Variants in ADD1 observed in about 807,000 individuals in gnomAD.
ADD1 encodes alpha-adducin.
A neutral mutation model predicts 80.5 loss-of-function variants in ADD1; 24 were observed. That is an observed-to-expected ratio of 0.30 (90% confidence interval 0.22 to 0.42). The LOEUF (loss-of-function observed/expected upper bound fraction) is 0.42. ADD1 is among the 10% of genes least tolerant of loss of function. The pLI is 1.00. For synonymous variants in ADD1, 373 were observed against 393.8 expected (o/e 0.95, Z 0.63); for missense variants, 948 against 1,019.0 (o/e 0.93, Z 0.95).
At position 2,928,783 on chromosome 4, in the gene ADD1, G is replaced by C; in HGVS notation, c.*260G>C. ...TCTCCCCACAGGGGGGAGGCACTAAGTCATGGTCCTGGCTGGAAGGTACTG... is the reference window on the plus strand; with the variant it reads ...TCTCCCCACAGGGGGGAGGCACTAACTCATGGTCCTGGCTGGAAGGTACTG... On this transcript the variant is annotated 3_prime_UTR_variant, in exon 16 of 16. Coordinates refer to ENST00000683351, the MANE Select transcript of ADD1 (RefSeq NM_001354761.2). 1 of 477,082 alleles carries C rather than the reference G, an allele frequency of 2.1e-6. No individual in the cohort carries two copies. The highest frequency in any genetic ancestry group is 4.0e-5 in the East Asian group (1 of 24,900). 29.6% of individuals were successfully genotyped at this position (477,082 alleles called of 1,614,324 possible).
intron 6 of ADD1, among the ~76,000 whole-genome samples, chr4:2,897,262 A>G (rs1255815359): frequency 2.0e-5 from 3 of 152,070 alleles, no homozygotes; most frequent in Admixed American, 6.5e-5. Context: ...TCTTTAGAAG[A>G]CCTTCAAAAA....
rs1401568930 is a variant in ADD1 at position 2,929,126 on chromosome 4, G to C, written c.*603G>C. On this transcript the variant is annotated 3_prime_UTR_variant, in exon 16 of 16. Transcript: ENST00000683351. ...CTGTGTGCACCCAACGTGATGCTAT[G>C]CATGTCTGACCGACGATCCCTCGAC... 1 of 152,324 alleles carries C rather than the reference G, an allele frequency of 6.6e-6. No individual in the cohort carries two copies. Among genetic ancestry groups the C allele is most frequent in the Non-Finnish European group, 1.5e-5 (1 of 68,140 alleles). 9.4% of individuals were successfully genotyped at this position (152,324 alleles called of 1,614,324 possible).
intron 6 of ADD1, among the ~76,000 whole-genome samples, chr4:2,896,288 A>G (rs1238118932): frequency 6.6e-6 from 1 of 151,226 alleles, no homozygotes; most frequent in Non-Finnish European, 1.5e-5. Flanking sequence ...AACTCACTGC[A>G]ACCTCTGCCC....
At chr4:2,852,265 C>T (rs1399382817) in intron 1 of ADD1, among the ~76,000 whole-genome samples, 2 of 122,934 alleles carry the variant, frequency 1.6e-5, no homozygotes, top group Non-Finnish European at 3.4e-5. Flanking sequence ...TTCTTTCCTT[C>T]CTTCCTTCCT....
chr4:2,912,925 A>G (rs998953333), intron 13 of ADD1, among the ~76,000 whole-genome samples: 6 of 151,696 alleles, frequency 4.0e-5, no homozygotes, highest in Non-Finnish European at 8.8e-5. Flanking sequence ...GCTCACCTCA[A>G]CCTCCGCCTC....
At chr4:2,925,485 T>C (rs1222501641) in intron 14 of ADD1, among the ~76,000 whole-genome samples, 1 of 152,232 alleles carries the variant, frequency 6.6e-6, no homozygotes, top group Non-Finnish European at 1.5e-5. Flanking sequence ...AGTTCCTGCA[T>C]TTTTTCCTCT....
intron 4 of ADD1, among the ~76,000 whole-genome samples, 161 bp downstream of exon 4, chr4:2,884,827 GC>G (rs1447891683): frequency 2.6e-5 from 4 of 152,296 alleles, no homozygotes; most frequent in Middle Eastern, 6.8e-3. Context: ...CTGAGAATCA[GC>G]CAGTTTGGGT....
chr4:2,917,989 T>C (rs1407926016), intron 14 of ADD1, among the ~76,000 whole-genome samples: 1 of 152,216 alleles, frequency 6.6e-6, no homozygotes, highest in East Asian at 1.9e-4. Flanking sequence ...TTGCTTAGGA[T>C]TGTCTTGGCC....
At chr4:2,896,949 G>A (rs539490758) in intron 6 of ADD1, among the ~76,000 whole-genome samples, 3 of 152,006 alleles carry the variant, frequency 2.0e-5, no homozygotes, top group South Asian at 2.1e-4. Flanking sequence ...TGGTAGAGAC[G>A]GGGTTTCACC....
At chr4:2,927,441 A>G (rs1053601545) in intron 15 of ADD1, among the ~76,000 whole-genome samples, 1 of 152,158 alleles carries the variant, frequency 6.6e-6, no homozygotes, top group Non-Finnish European at 1.5e-5. Flanking sequence ...TTTAAACACT[A>G]AACAGCTTGT....
chr4:2,909,484 T>TCCCCC (rs927929239), intron 13 of ADD1, 53 bp downstream of exon 13: 13 of 1,023,650 alleles, frequency 1.3e-5, no homozygotes, highest in African/African-American at 2.4e-5. Context: ...TCCCCTCCCC[T>TCCCCC]CCCCCCTCCC....
chr4:2,888,933 GGAGA>G (rs146399740), intron 4 of ADD1, among the ~76,000 whole-genome samples: 10 of 151,258 alleles, frequency 6.6e-5, no homozygotes, highest in South Asian at 2.1e-4. Flanking sequence ...ATATATATAT[GGAGA>G]GAGAGAGAGA....
intron 14 of ADD1, among the ~76,000 whole-genome samples, chr4:2,921,900 T>C (rs1236670236): frequency 4.6e-5 from 7 of 151,932 alleles, no homozygotes; most frequent in Non-Finnish European, 5.9e-5. Flanking sequence ...ATCTCTGATA[T>C]ATCCTTTCTT....
At chr4:2,882,938 G>A (rs181554744) in intron 3 of ADD1, among the ~76,000 whole-genome samples, 1 of 152,160 alleles carries the variant, frequency 6.6e-6, no homozygotes, top group African/African-American at 2.4e-5. Context: ...TCAGCTCCCT[G>A]CAAACTACCA....
intron 14 of ADD1, among the ~76,000 whole-genome samples, chr4:2,917,198 T>C (rs1739229027): frequency 2.0e-5 from 3 of 152,232 alleles, no homozygotes; most frequent in Admixed American, 1.3e-4. Flanking sequence ...CAGCTTCTGT[T>C]GTTTCCTCGC....
At chr4:2,915,975 A>G (rs1026006243) in intron 14 of ADD1, among the ~76,000 whole-genome samples, 19 of 152,164 alleles carry the variant, frequency 1.2e-4, no homozygotes, top group Middle Eastern at 6.8e-3. Context: ...GACCCCGAAG[A>G]TGTCCTGCCG....
chr4:2,905,216 A>G, intron 10 of ADD1, 108 bp downstream of exon 10: 3 of 1,005,090 alleles, frequency 3.0e-6, no homozygotes, highest in South Asian at 3.0e-5. Context: ...TGTAAAGCGA[A>G]CCTTCCTTAT....
chr4:2,902,313 CTT>C (rs934451571), intron 9 of ADD1: 7 of 152,134 alleles, frequency 4.6e-5, no homozygotes, highest in Non-Finnish European at 8.8e-5. Flanking sequence ...GAGTCATTCT[CTT>C]TTATTATTCC....
Position 2,898,238 on chromosome 4 carries a change from G to A in ADD1, c.796G>A (p.Gly266Arg). 1 of 1,614,174 alleles carries A rather than the reference G, an allele frequency of 6.2e-7. No individual in the cohort carries two copies. The highest frequency in any genetic ancestry group is 8.5e-7 in the Non-Finnish European group (1 of 1,180,040). ...LPISPEALSL[G>R]EVAYHDYHGI... ...AATCTCCCCGGAGGCGCTTTCCCTT[G>A]GAGAAGTGGCTTATCATGACTACCA... Residue 266 changes from glycine to arginine, a missense_variant, in exon 7 of 16, where the codon GGA (glycine) becomes AGA (arginine). Coordinates refer to ENST00000683351, the MANE Select transcript of ADD1 (RefSeq NM_001354761.2).
Sources: allele counts gnomAD v4.1 joint callset (sites outside exome capture counted in the v4.1 genomes callset), GRCh38; gene constraint gnomAD v4.1.1; transcripts MANE v1.5; gene names NCBI Gene and HGNC (gene_info 2026-07-23, HGNC 2026-07-21).